Variants in COP1 observed in about 807,000 individuals in gnomAD.
COP1 encodes the protein COP1 E3 ubiquitin ligase.
In COP1, 24 loss-of-function variants were observed where a neutral mutation model predicts 101.3. The ratio of observed to expected loss-of-function variants is 0.24; its 90% CI spans 0.17 to 0.33. COP1 has a LOEUF of 0.33. Among genes scored for constraint, COP1 ranks in the 10% least tolerant of loss-of-function variants. The pLI is 1.00. For synonymous variants in COP1, 347 were observed against 341.9 expected (o/e 1.01, Z -0.17); for missense variants, 663 against 906.2 (o/e 0.73, Z 3.45).
At chr1:175,977,307 AT>A (rs1452733558) in intron 18 of COP1, among the ~76,000 whole-genome samples, 1 of 152,204 alleles carries the variant, frequency 6.6e-6, no homozygotes. Flanking sequence ...GGCAATCACA[AT>A]TCAAATAAAG....
chr1:176,123,457 T>C (rs1687474810), intron 8 of COP1, among the ~76,000 whole-genome samples: 1 of 151,992 alleles, frequency 6.6e-6, no homozygotes, highest in Non-Finnish European at 1.5e-5. Flanking sequence ...TCTATAATAA[T>C]TAAAGGGGAA....
chr1:176,038,742 C>T lies in COP1; in HGVS notation c.1612+4444G>A, dbSNP rs548246785. ...CTGAGGCAGGAGAATCGCTTGAACC[C>T]GGGAGGCGGAGGTTGTGGTGAGCCA... is the stretch of plus-strand genomic sequence containing the variant. On this transcript the variant is annotated intron_variant, in intron 14 of 19. Transcript: ENST00000367669. 5.7e-4 allele frequency among the ~76,000 whole-genome samples: 86 copies of T among 151,694 alleles called. 1 individual carries two copies. Among genetic ancestry groups the T allele is most frequent in the Middle Eastern group, 3.4e-3 (1 of 292 alleles).
chr1:176,046,316 A>G lies in COP1; in HGVS notation c.1286T>C (p.Phe429Ser). The G allele has an allele frequency of 6.2e-7, 1 of 1,607,872 alleles. No individual in the cohort carries two copies. Among genetic ancestry groups the G allele is most frequent in the Non-Finnish European group, 8.5e-7 (1 of 1,178,336 alleles). Residue 429 changes from phenylalanine (F) to serine (S), a missense_variant, in exon 12 of 20, where the codon TTT becomes TCT. Around this residue, in one of 4 missense-constraint regions of COP1, gnomAD observed 209 missense variants for 383.3 expected, o/e 0.55. Coordinates refer to ENST00000367669, the MANE Select transcript of COP1 (RefSeq NM_022457.7). ...NGSSIVSSIE[F>S]DRDCDYFAIA... ...CGCAAAATAGTCACAATCCCGGTCAAATTCAATACTAAGGGGAAAAAGTAT... is the reference window on the plus strand; with the variant it reads ...CGCAAAATAGTCACAATCCCGGTCAGATTCAATACTAAGGGGAAAAAGTAT...
intron 3 of COP1, among the ~76,000 whole-genome samples, chr1:176,167,864 C>A (rs1695372452): frequency 6.6e-6 from 1 of 152,104 alleles, no homozygotes; most frequent in South Asian, 2.1e-4. Flanking sequence ...AAAATCAGTA[C>A]CCATCTCACA....
intron 5 of COP1, among the ~76,000 whole-genome samples, chr1:176,155,729 A>G (rs775179561): frequency 2.0e-5 from 3 of 152,112 alleles, no homozygotes; most frequent in Non-Finnish European, 4.4e-5. Context: ...AAATTGCTGA[A>G]AACCAATGTC....
At chr1:176,203,066 G>A (rs553023804) in intron 1 of COP1, among the ~76,000 whole-genome samples, 4 of 151,854 alleles carry the variant, frequency 2.6e-5, no homozygotes, top group Admixed American at 1.3e-4. Flanking sequence ...GGCCGGGCGC[G>A]GTGGCTCACG....
chr1:176,206,485 C>G, intron 1 of COP1, 87 bp downstream of exon 1: 1 of 1,497,926 alleles, frequency 6.7e-7, no homozygotes, highest in South Asian at 1.2e-5. Context: ...TCCAACAAGC[C>G]ACCCCCACAC....
chr1:176,198,447 T>G (rs1699929489), intron 1 of COP1, among the ~76,000 whole-genome samples: 1 of 152,152 alleles, frequency 6.6e-6, no homozygotes, highest in Non-Finnish European at 1.5e-5. Context: ...CCAAACACAG[T>G]GTATAAAAAC....
intron 14 of COP1, among the ~76,000 whole-genome samples, chr1:176,037,783 G>A (rs937343383): frequency 2.6e-5 from 4 of 152,082 alleles, no homozygotes; most frequent in Non-Finnish European, 5.9e-5. Flanking sequence ...GGAAAAGAAC[G>A]TCTTTAAATT....
chr1:175,973,279 T>C (rs999951605), intron 18 of COP1, among the ~76,000 whole-genome samples: 14 of 152,244 alleles, frequency 9.2e-5, no homozygotes, highest in Non-Finnish European at 1.5e-4. Context: ...TGGAAATACA[T>C]TGAGAATTTA....
At position 175,989,444 on chromosome 1, in the gene COP1, T is replaced by G. The variant is rs1657892521; in HGVS notation, c.1765A>C (p.Lys589Gln). ...CCTTTGAATACCATGATTGGCTGTTTAGTGTTACGAAGATCATAGTAGTGG... is the reference window on the plus strand; with the variant it reads ...CCTTTGAATACCATGATTGGCTGTTGAGTGTTACGAAGATCATAGTAGTGG... ...CVHYYDLRNTKQPIMVFKGHR... is the reference protein window; with the variant it reads ...CVHYYDLRNTQQPIMVFKGHR... Residue 589 changes from lysine (K) to glutamine (Q), a missense_variant, in exon 16 of 20, where the codon AAA (lysine) becomes CAA (glutamine). Transcript: ENST00000367669. The G allele has an allele frequency of 6.2e-7, 1 of 1,606,722 alleles. No individual in the cohort carries two copies. Among genetic ancestry groups the G allele is most frequent in the Non-Finnish European group, 8.5e-7 (1 of 1,173,394 alleles).
chr1:176,125,082 C>T (rs1210028036), intron 8 of COP1, among the ~76,000 whole-genome samples: 1 of 141,562 alleles, frequency 7.1e-6, no homozygotes, highest in Non-Finnish European at 1.5e-5. Context: ...TAATCTTTTA[C>T]CCATTTTTAA....
chr1:176,068,401 C>CT (rs1553249787), intron 11 of COP1, among the ~76,000 whole-genome samples: 2 of 152,276 alleles, frequency 1.3e-5, no homozygotes, highest in Non-Finnish European at 2.9e-5. Flanking sequence ...ATTAGAAACT[C>CT]TGAGAGTGGA....
chr1:176,134,502 T>C (rs932470248), intron 8 of COP1, among the ~76,000 whole-genome samples: 5 of 151,974 alleles, frequency 3.3e-5, no homozygotes, highest in African/African-American at 7.2e-5. Flanking sequence ...CCTATACTAA[T>C]ATCGCATATA....
intron 15 of COP1, among the ~76,000 whole-genome samples, chr1:176,025,906 A>G (rs1427153348): frequency 1.3e-5 from 2 of 152,050 alleles, no homozygotes; most frequent in African/African-American, 2.4e-5. Flanking sequence ...AAAAAAAAAG[A>G]AAACCCAAAC....
chr1:175,987,294 A>C (rs1657354713), intron 17 of COP1, among the ~76,000 whole-genome samples, 191 bp from the exon 18 acceptor site: 1 of 152,186 alleles, frequency 6.6e-6, no homozygotes. Context: ...ATACTTTACT[A>C]ATCTAAAGAA....
intron 5 of COP1, among the ~76,000 whole-genome samples, chr1:176,155,082 A>T (rs1382379866): frequency 6.6e-6 from 1 of 152,304 alleles, no homozygotes; most frequent in East Asian, 1.9e-4. Context: ...CTGGCATCAC[A>T]GACAACACTT....
At chr1:176,081,413 A>G (rs1679121516) in intron 10 of COP1, 126 bp from the exon 11 acceptor site, 1 of 695,272 alleles carries the variant, frequency 1.4e-6, no homozygotes, top group Admixed American at 3.4e-5. Context: ...GATTTTACTA[A>G]AGACTAGTTT....
At chr1:176,188,834 T>TATAC (rs1553314490) in intron 1 of COP1, among the ~76,000 whole-genome samples, 1 of 148,416 alleles carries the variant, frequency 6.7e-6, no homozygotes, top group Non-Finnish European at 1.5e-5. Flanking sequence ...AACACATAGA[T>TATAC]ACACACACAC....
Sources: gnomAD v4.1 joint callset for allele counts (sites outside exome capture counted in the v4.1 genomes callset) on GRCh38, gnomAD v4.1.1 for gene constraint, gnomAD v4.1.1 regional missense constraint, MANE v1.5 for transcripts, NCBI Gene and HGNC (gene_info 2026-07-23, HGNC 2026-07-21) for gene names.